The following DNM1L variants were observed in gnomAD, a reference collection of about 807,000 sequenced individuals.
DNM1L encodes dynamin-1-like protein.
Under a neutral mutation model 92.8 loss-of-function variants are expected in DNM1L, and 33 were observed. The observed-to-expected ratio is 0.36, with a 90% confidence interval of 0.27 to 0.48. DNM1L has a LOEUF of 0.48. DNM1L is among the 20% of genes least tolerant of loss of function. The pLI, the probability that DNM1L is intolerant of heterozygous loss-of-function variation, is 0.99. For missense variants in DNM1L, 485 were observed against 888.8 expected, an observed-to-expected ratio of 0.55 and a Z score of 5.78; for synonymous variants, 284 against 305.0, an observed-to-expected ratio of 0.93 and a Z score of 0.72.
intron 16 of DNM1L, 156 bp from the exon 17 acceptor site, chr12:32,739,908 C>G (rs1182591801): frequency 1.1e-6 from 1 of 894,778 alleles, no homozygotes; most frequent in African/African-American, 1.7e-5. Context: ...TCCAGTTATA[C>G]ATGCTACCTA....
intron 9 of DNM1L, chr12:32,727,098 T>C: frequency 1.4e-6 from 1 of 727,298 alleles, no homozygotes; most frequent in Non-Finnish European, 2.6e-6. Flanking sequence ...GTTTTTCTCA[T>C]CTTCAGTCTT....
At position 32,744,275 on chromosome 12, in the gene DNM1L, A is replaced by T. The variant is rs1032431233; in HGVS notation, c.*865A>T. ...TACATCTCTAAAGTGGAGCACTTAC[A>T]CCAGGCTCTAAGATTCACTTTGAGG... On this transcript the variant is annotated 3_prime_UTR_variant, in exon 20 of 20. Coordinates refer to ENST00000549701, the MANE Select transcript of DNM1L (RefSeq NM_012062.5). The T allele has an allele frequency of 6.6e-6, 1 of 152,396 alleles. No individual in the cohort carries two copies. The highest frequency in any genetic ancestry group is 2.4e-5 in the African/African-American group (1 of 41,456). The allele number at this position is 152,396 out of a possible 1,614,324, so 9.4% of individuals were successfully genotyped here. A position where few individuals can be genotyped will look rare whatever the true frequency, so the allele number is the denominator to read the frequency against.
chr12:32,738,646 C>T lies in DNM1L; in HGVS notation c.1707+350C>T, dbSNP rs2137576013. On this transcript the variant is annotated intron_variant, in intron 16 of 19. Coordinates refer to ENST00000549701, the MANE Select transcript of DNM1L (RefSeq NM_012062.5). ...CTGTTCAGTACTAATAGATCTAATG[C>T]TTCTTTCTTATGCTTCCAGTTAGTT... 2.0e-5 allele frequency among the ~76,000 whole-genome samples: 3 copies of T among 152,178 alleles called. No individual in the cohort carries two copies. The South Asian group carries it at 6.2e-4, about 32-fold the overall frequency.
intron 1 of DNM1L, among the ~76,000 whole-genome samples, chr12:32,688,071 C>T (rs932343045): frequency 6.6e-6 from 1 of 151,806 alleles, no homozygotes; most frequent in African/African-American, 2.4e-5. Context: ...ATTACAGGTG[C>T]CCACCACCAT....
rs201894145 is a variant in DNM1L at position 32,731,517 on chromosome 12, G to A, written c.1356+6G>A. The A allele has an allele frequency of 2.3e-4, 369 of 1,613,772 alleles. No homozygotes were observed. Among genetic ancestry groups the A allele is most frequent in the Non-Finnish European group, 3.0e-4 (353 of 1,179,982 alleles). ...GTAGCAATTACAGTACACAGGTAAC[G>A]GAGAGAAATGTAACAGGTTTCACAT... On this transcript the variant is annotated splice_donor_region_variant and intron_variant, in intron 11 of 19. Coordinates refer to ENST00000549701, the MANE Select transcript of DNM1L (RefSeq NM_012062.5). The surrounding 1 kb of genome is among the most constrained non-coding windows in gnomAD (Gnocchi z 5.1).
chr12:32,681,877 T>C (rs1951819681), intron 1 of DNM1L, among the ~76,000 whole-genome samples: 1 of 151,878 alleles, frequency 6.6e-6, no homozygotes, highest in South Asian at 2.1e-4. Context: ...GTGTGTAGTG[T>C]GTGCCGGTAG....
intron 9 of DNM1L, among the ~76,000 whole-genome samples, chr12:32,730,720 A>G (rs554444071): frequency 6.6e-6 from 1 of 152,332 alleles, no homozygotes; most frequent in East Asian, 1.9e-4. Flanking sequence ...CTCAAGGAAA[A>G]CTAGGGCAGA....
Position 32,738,501 on chromosome 12 carries a change from T to C in DNM1L, c.1707+205T>C, listed in dbSNP as rs16920143. Among the ~76,000 whole-genome samples, 1,923 of 152,356 alleles carry C rather than the reference T, an allele frequency of 0.013. 45 individuals are homozygous for C. Among genetic ancestry groups the C allele is most frequent in the African/African-American group, 0.043 (1,784 of 41,584 alleles). ...ACAATAATAGGCTTTCTCACTGTTT[T>C]GTTACCTTCAAGAATAGTTTTAAAT... On this transcript the variant is annotated intron_variant, in intron 16 of 19. Coordinates refer to ENST00000549701, the MANE Select transcript of DNM1L (RefSeq NM_012062.5).
chr12:32,744,867 T>A lies in DNM1L; in HGVS notation c.*1457T>A, dbSNP rs766741489. On this transcript the variant is annotated 3_prime_UTR_variant, in exon 20 of 20. Coordinates refer to ENST00000549701, the MANE Select transcript of DNM1L (RefSeq NM_012062.5). ...ATTCTTGGTATGAACGACTATATTA[T>A]AAATTTTAAGATGTACTTAGAAATC... 1 of 503,214 alleles carries A rather than the reference T, an allele frequency of 2.0e-6. No homozygotes were observed. The highest frequency in any genetic ancestry group is 4.0e-6 in the Non-Finnish European group (1 of 251,766). 31.2% of individuals were successfully genotyped at this position (503,214 alleles called of 1,614,324 possible).
At chr12:32,727,526 A>T in intron 9 of DNM1L, 51 of 509,740 alleles carry the variant, frequency 1.0e-4, no homozygotes, top group Middle Eastern at 5.5e-4. Context: ...ATCTCTGAAA[A>T]TGGAAAAAAA....
intron 13 of DNM1L, among the ~76,000 whole-genome samples, chr12:32,734,402 G>A (rs1426866137): frequency 6.6e-6 from 1 of 152,132 alleles, no homozygotes; most frequent in Non-Finnish European, 1.5e-5. Flanking sequence ...TAAGACCTGA[G>A]TCCCCTGCTA....
intron 9 of DNM1L, chr12:32,727,136 C>T: frequency 1.3e-6 from 1 of 764,730 alleles, no homozygotes; most frequent in South Asian, 1.4e-5. Flanking sequence ...CCTCTGAAAT[C>T]TCATCTTCTT....
At chr12:32,714,343 G>A (rs1953265927) in intron 6 of DNM1L, among the ~76,000 whole-genome samples, 1 of 149,662 alleles carries the variant, frequency 6.7e-6, no homozygotes, top group Non-Finnish European at 1.5e-5. Flanking sequence ...CGCGATCTCG[G>A]TTCACTGCAA....
intron 14 of DNM1L, 98 bp from the exon 15 acceptor site, chr12:32,737,767 C>A: frequency 2.2e-6 from 2 of 899,740 alleles, no homozygotes; most frequent in Non-Finnish European, 3.7e-6. Context: ...TGTTATTTTA[C>A]GATTTCATTA....
At chr12:32,696,202 A>G (rs1458449197) in intron 1 of DNM1L, among the ~76,000 whole-genome samples, 1 of 152,200 alleles carries the variant, frequency 6.6e-6, no homozygotes, top group African/African-American at 2.4e-5. Context: ...ATCCTCAGAC[A>G]TACAGGCAGA....
At position 32,743,486 on chromosome 12, in the gene DNM1L, A is replaced by G; in HGVS notation, c.*76A>G. On this transcript the variant is annotated 3_prime_UTR_variant, in exon 20 of 20. Transcript: ENST00000549701. ...TGCCTACCTGAGTAGAATCTTATTTATGAACTCCTGTGTATTGCAATGGTA... is the reference window on the plus strand; with the variant it reads ...TGCCTACCTGAGTAGAATCTTATTTGTGAACTCCTGTGTATTGCAATGGTA... 7.2e-7 allele frequency: 1 copy of G among 1,390,608 alleles called. No homozygotes were observed. The highest frequency in any genetic ancestry group is 1.2e-5 in the South Asian group (1 of 85,514). 86.1% of individuals were successfully genotyped at this position (1,390,608 alleles called of 1,614,324 possible).
chr12:32,701,249 C>G lies in DNM1L; in HGVS notation c.103-166C>G, dbSNP rs535150143. ...CGAGATCGTGCCATTGCACTCCAGC[C>G]TAGCCAACAAGAGCGAAACTCCGTC... On this transcript the variant is annotated intron_variant, in intron 1 of 19. Transcript: ENST00000549701. 2.8e-3 allele frequency among the ~76,000 whole-genome samples: 429 copies of G among 150,700 alleles called. 3 individuals carry two copies. The highest frequency in any genetic ancestry group is 4.7e-3 in the East Asian group (24 of 5,116).
chr12:32,687,056 T>C (rs1452802747), intron 1 of DNM1L, among the ~76,000 whole-genome samples: 1 of 150,730 alleles, frequency 6.6e-6, no homozygotes, highest in African/African-American at 2.4e-5. Context: ...GCTGGCATTA[T>C]AGGCATGAGC....
At chr12:32,688,934 G>A (rs1592567846) in intron 1 of DNM1L, among the ~76,000 whole-genome samples, 1 of 152,174 alleles carries the variant, frequency 6.6e-6, no homozygotes, top group East Asian at 1.9e-4. Flanking sequence ...GTGGTGGCCT[G>A]TGCCTGTAGT....
Sources: allele counts gnomAD v4.1 joint callset (sites outside exome capture counted in the v4.1 genomes callset), GRCh38; gene constraint gnomAD v4.1.1; non-coding constraint Gnocchi (gnomAD v3.1); transcripts MANE v1.5; gene names NCBI Gene and HGNC (gene_info 2026-07-23, HGNC 2026-07-21).